PEBP4: variants seen among roughly 807,000 people sequenced by gnomAD.
The protein encoded by PEBP4 is phosphatidylethanolamine binding protein 4.
Under a neutral mutation model 23.9 loss-of-function variants are expected in PEBP4, and 22 were observed. The ratio of observed to expected loss-of-function variants is 0.92; its 90% CI spans 0.66 to 1.31. PEBP4 has a LOEUF of 1.31. Among genes scored for constraint, PEBP4 ranks in the 40% most tolerant of loss-of-function variants. The pLI is 0.00. For synonymous variants in PEBP4, 112 were observed against 99.3 expected, an observed-to-expected ratio of 1.13 and a Z score of -0.76; for missense variants, 324 against 281.7, an observed-to-expected ratio of 1.15 and a Z score of -1.07.
rs1807878562 is a variant in PEBP4, at chr8:22,865,640, G to A, written c.259-47905C>T. ...GCCCCATCCTGCTCAGAAAAGCCTC[G>A]GATGCTGCCCGGGAGGAGGAGGCAA... On this transcript the variant is annotated intron_variant, in intron 3 of 6. Coordinates refer to ENST00000256404, the MANE Select transcript of PEBP4 (RefSeq NM_144962.3). The surrounding 1 kb of genome is among the most constrained non-coding windows in gnomAD (Gnocchi z 6.9). Among the ~76,000 whole-genome samples, 1 of 152,028 alleles carries A rather than the reference G, an allele frequency of 6.6e-6. No homozygotes were observed. The highest frequency in any genetic ancestry group is 2.4e-5 in the African/African-American group (1 of 41,400).
intron 4 of PEBP4, among the ~76,000 whole-genome samples, chr8:22,790,671 C>T (rs1188732321): frequency 6.6e-6 from 1 of 152,132 alleles, no homozygotes; most frequent in South Asian, 2.1e-4. Context: ...GCTCAGTGTT[C>T]TAGTTCCGAA....
At chr8:22,823,491 C>G (rs1040982354) in intron 3 of PEBP4, among the ~76,000 whole-genome samples, 5 of 151,624 alleles carry the variant, frequency 3.3e-5, no homozygotes, top group African/African-American at 1.2e-4. Flanking sequence ...AAGTAAGTTA[C>G]AGAATAATGT....
At chr8:22,746,756 T>C (rs1805128289) in intron 4 of PEBP4, among the ~76,000 whole-genome samples, 1 of 152,172 alleles carries the variant, frequency 6.6e-6, no homozygotes, top group African/African-American at 2.4e-5. Context: ...ATCGGTGCTG[T>C]CCAGTGCGAC....
chr8:22,741,851 G>GTCTT (rs1324726311), intron 4 of PEBP4, among the ~76,000 whole-genome samples: 3 of 152,206 alleles, frequency 2.0e-5, no homozygotes, highest in South Asian at 4.1e-4. Context: ...GTTGAAATGA[G>GTCTT]TCTTTGCACA....
upstream of PEBP4, among the ~76,000 whole-genome samples, chr8:22,928,061 G>C (rs951232332): frequency 7.9e-5 from 12 of 152,254 alleles, no homozygotes; most frequent in Non-Finnish European, 5.9e-5. Flanking sequence ...CCTCGGTGCA[G>C]CTCCTTGTCC....
chr8:22,873,303 A>G (rs1808048354), intron 3 of PEBP4, among the ~76,000 whole-genome samples: 1 of 152,144 alleles, frequency 6.6e-6, no homozygotes, highest in Non-Finnish European at 1.5e-5. Flanking sequence ...ATATTTTTCC[A>G]TTTACGTTAA....
intron 4 of PEBP4, among the ~76,000 whole-genome samples, chr8:22,735,668 G>A (rs142562046): frequency 6.6e-6 from 1 of 152,328 alleles, no homozygotes; most frequent in South Asian, 2.1e-4. Context: ...TGTGTCCCAG[G>A]AGGGCCACCA....
chr8:22,908,674 G>A (rs964645373), intron 3 of PEBP4, among the ~76,000 whole-genome samples: 4 of 152,164 alleles, frequency 2.6e-5, no homozygotes, highest in African/African-American at 9.7e-5. Context: ...TGTTCCATAG[G>A]CCAAGGAAGG....
intron 6 of PEBP4, among the ~76,000 whole-genome samples, chr8:22,717,090 A>G (rs578119414): frequency 1.2e-4 from 19 of 152,286 alleles, no homozygotes; most frequent in African/African-American, 4.6e-4. Flanking sequence ...GCTGGGGTGC[A>G]GTGGCACTAT....
intron 3 of PEBP4, among the ~76,000 whole-genome samples, chr8:22,839,081 T>C (rs1398254120): frequency 6.6e-6 from 1 of 152,122 alleles, no homozygotes; most frequent in Non-Finnish European, 1.5e-5. Context: ...ACAGCAAACA[T>C]GAGAAGAGAG....
intron 4 of PEBP4, among the ~76,000 whole-genome samples, chr8:22,797,565 G>T (rs1218926694): frequency 1.3e-5 from 2 of 152,150 alleles, no homozygotes; most frequent in African/African-American, 4.8e-5. Flanking sequence ...GGATATTCGG[G>T]GAAGGGGATA....
chr8:22,723,707 T>G (rs1804565712), intron 6 of PEBP4, among the ~76,000 whole-genome samples: 1 of 152,230 alleles, frequency 6.6e-6, no homozygotes, highest in East Asian at 1.9e-4. Flanking sequence ...TTAAACAGAT[T>G]CACGGATTGG....
chr8:22,830,386 G>A (rs757231432), intron 3 of PEBP4, among the ~76,000 whole-genome samples: 8 of 152,026 alleles, frequency 5.3e-5, no homozygotes, highest in Non-Finnish European at 7.4e-5. Flanking sequence ...CTTGTGTTGT[G>A]ATCTGCCTGC....
At chr8:22,902,864 G>A (rs77441789) in intron 3 of PEBP4, among the ~76,000 whole-genome samples, 290 of 152,340 alleles carry the variant, frequency 1.9e-3, no homozygotes, top group Non-Finnish European at 3.5e-3. Context: ...AACTTTTCCA[G>A]GAGAACAGAA....
chr8:22,768,564 A>C (rs1056027715), intron 4 of PEBP4, among the ~76,000 whole-genome samples: 1 of 152,088 alleles, frequency 6.6e-6, no homozygotes, highest in Non-Finnish European at 1.5e-5. Context: ...TTTGCTTTGT[A>C]TGTTAGTTTT....
At chr8:22,752,229 A>G (rs1805284934) in intron 4 of PEBP4, among the ~76,000 whole-genome samples, 1 of 152,150 alleles carries the variant, frequency 6.6e-6, no homozygotes. Context: ...TGTCTGTTAC[A>G]TTAGGCTCAG....
intron 3 of PEBP4, among the ~76,000 whole-genome samples, chr8:22,839,057 A>G (rs77505341): frequency 6.6e-6 from 1 of 152,224 alleles, no homozygotes. Flanking sequence ...AGAAAAAAAA[A>G]GTGTTAAAAA....
At chr8:22,746,084 G>C (rs1171987045) in intron 4 of PEBP4, among the ~76,000 whole-genome samples, 1 of 152,036 alleles carries the variant, frequency 6.6e-6, no homozygotes, top group South Asian at 2.1e-4. Flanking sequence ...CCATCTCGTG[G>C]CAGGAGAAGC....
chr8:22,835,990 G>A (rs914173373), intron 3 of PEBP4, among the ~76,000 whole-genome samples: 9 of 152,176 alleles, frequency 5.9e-5, no homozygotes, highest in Admixed American at 5.2e-4. Flanking sequence ...TGTGATGCAG[G>A]GAAAATCATC....
Sources: allele counts gnomAD v4.1 joint callset (sites outside exome capture counted in the v4.1 genomes callset), GRCh38; gene constraint gnomAD v4.1.1; non-coding constraint Gnocchi (gnomAD v3.1); transcripts MANE v1.5; gene names NCBI Gene and HGNC (gene_info 2026-07-23, HGNC 2026-07-21).